The following CFAP299 variants were observed in gnomAD, a reference collection of about 807,000 sequenced individuals.
CFAP299 encodes cilia- and flagella-associated protein 299.
In CFAP299, 21 loss-of-function variants were observed where a neutral mutation model predicts 27.0. The ratio of observed to expected loss-of-function variants is 0.78; its 90% CI spans 0.55 to 1.12. The LOEUF is 1.12. Among genes scored for constraint, CFAP299 ranks in the 50% most tolerant of loss-of-function variants. The pLI is 0.00. For missense variants in CFAP299, 310 were observed against 276.6 expected (o/e 1.12, Z -0.86); for synonymous variants, 104 against 98.1 (o/e 1.06, Z -0.36).
At chr4:80,383,726 A>G (rs542914169) in intron 2 of CFAP299, among the ~76,000 whole-genome samples, 1 of 152,302 alleles carries the variant, frequency 6.6e-6, no homozygotes, top group African/African-American at 2.4e-5. Flanking sequence ...CTAATTTATC[A>G]AAGTTTATCT....
At chr4:80,924,538 GTATATATATATATATATA>G in intron 4 of CFAP299, among the ~76,000 whole-genome samples, 1 of 131,694 alleles carries the variant, frequency 7.6e-6, no homozygotes, top group East Asian at 2.1e-4. Flanking sequence ...GTGTGTGTGT[GTATATATATATATATATA>G]TATATATCTG....
At chr4:80,458,351 A>G (rs138201536) in intron 2 of CFAP299, among the ~76,000 whole-genome samples, 238 of 152,342 alleles carry the variant, frequency 1.6e-3, no homozygotes, top group African/African-American at 5.6e-3. Context: ...GCCAAATGCC[A>G]GCTACTGGAC....
chr4:80,709,732 C>T (rs906965567), intron 3 of CFAP299, among the ~76,000 whole-genome samples: 7 of 152,162 alleles, frequency 4.6e-5, no homozygotes, highest in Non-Finnish European at 1.5e-5. Flanking sequence ...ATTTTGATTT[C>T]GCTGATGTTG....
chr4:80,603,042 A>G (rs1436111635), intron 3 of CFAP299, among the ~76,000 whole-genome samples: 4 of 152,144 alleles, frequency 2.6e-5, no homozygotes, highest in Admixed American at 6.5e-5. Context: ...ATAAGCAAAT[A>G]TTTATCTGCT....
At chr4:80,631,521 A>AT (rs1443736052) in intron 3 of CFAP299, among the ~76,000 whole-genome samples, 5 of 151,896 alleles carry the variant, frequency 3.3e-5, no homozygotes, top group Admixed American at 6.6e-5. Flanking sequence ...TTAATCTAGC[A>AT]TTTTTTCTTT....
intron 3 of CFAP299, among the ~76,000 whole-genome samples, chr4:80,832,214 C>T (rs1031804167): frequency 5.9e-5 from 9 of 152,108 alleles, no homozygotes; most frequent in Admixed American, 3.3e-4. Context: ...GTACAGGATA[C>T]GCACTACATA....
At chr4:80,677,815 C>A (rs1360445520) in intron 3 of CFAP299, among the ~76,000 whole-genome samples, 3 of 151,944 alleles carry the variant, frequency 2.0e-5, no homozygotes. Flanking sequence ...TAACTTTTGT[C>A]TGAAATTCTT....
At chr4:80,890,599 T>C (rs1304617067) in intron 4 of CFAP299, among the ~76,000 whole-genome samples, 11 of 149,640 alleles carry the variant, frequency 7.4e-5, no homozygotes, top group East Asian at 4.0e-4. Context: ...CTGGGTCAAA[T>C]GGTATTTCTA....
chr4:80,956,193 T>C (rs936047463), intron 5 of CFAP299, among the ~76,000 whole-genome samples: 5 of 152,292 alleles, frequency 3.3e-5, no homozygotes, highest in African/African-American at 9.6e-5. Flanking sequence ...AGTCAAAATA[T>C]ATGTATTTTG....
chr4:80,361,708 G>A (rs969883093), intron 1 of CFAP299, among the ~76,000 whole-genome samples: 6 of 152,088 alleles, frequency 3.9e-5, no homozygotes, highest in Non-Finnish European at 8.8e-5. Flanking sequence ...TATAAAAGTG[G>A]CAGGTTTCTA....
chr4:80,720,714 A>G (rs768658460), intron 3 of CFAP299, among the ~76,000 whole-genome samples: 1 of 152,204 alleles, frequency 6.6e-6, no homozygotes, highest in Non-Finnish European at 1.5e-5. Flanking sequence ...ACTTTTAGAA[A>G]TTGTTGGGAA....
Position 80,689,992 on chromosome 4 carries a change from A to C in CFAP299, c.333+106809A>C, listed in dbSNP as rs6841842. 7.3e-3 allele frequency among the ~76,000 whole-genome samples: 1,040 copies of C among 143,192 alleles called. 6 individuals are homozygous for C. Among genetic ancestry groups the C allele is most frequent in the African/African-American group, 0.03 (983 of 33,204 alleles). The allele number at this position is 143,192 out of a possible 152,430, so 93.9% of individuals were successfully genotyped here. On this transcript the variant is annotated intron_variant, in intron 3 of 5. Transcript: ENST00000358105. ...GGGATCAATTCAACAAGAAGAGCTA[A>C]CTATCCTAAATATATATGCACCCAA... is the stretch of plus-strand genomic sequence containing the variant.
At chr4:80,386,999 G>T in intron 2 of CFAP299, 1 of 1,149,138 alleles carries the variant, frequency 8.7e-7, no homozygotes, top group Non-Finnish European at 1.3e-6. Context: ...CCCCACTGCG[G>T]TGGGTTGGCA....
chr4:80,720,906 A>T (rs1722773803), intron 3 of CFAP299, among the ~76,000 whole-genome samples: 1 of 152,130 alleles, frequency 6.6e-6, no homozygotes, highest in South Asian at 2.1e-4. Context: ...TGGCAAGTAA[A>T]GAATTGGAAG....
chr4:80,404,812 C>A (rs1231360191), intron 2 of CFAP299, among the ~76,000 whole-genome samples: 1 of 152,112 alleles, frequency 6.6e-6, no homozygotes, highest in Non-Finnish European at 1.5e-5. Flanking sequence ...AGTGGGATTG[C>A]TGTATTATAG....
intron 2 of CFAP299, among the ~76,000 whole-genome samples, chr4:80,562,787 G>T (rs1180801849): frequency 6.6e-6 from 1 of 151,540 alleles, no homozygotes; most frequent in South Asian, 2.1e-4. Context: ...CCATTGATCT[G>T]TTGCCTACAA....
intron 4 of CFAP299, among the ~76,000 whole-genome samples, chr4:80,907,209 C>T (rs1355358028): frequency 1.3e-5 from 2 of 152,194 alleles, no homozygotes; most frequent in Non-Finnish European, 2.9e-5. Context: ...ACAAGTTTCT[C>T]ATCTTCATCT....
intron 3 of CFAP299, among the ~76,000 whole-genome samples, chr4:80,626,967 G>T (rs1738939905): frequency 6.6e-6 from 1 of 151,602 alleles, no homozygotes; most frequent in Non-Finnish European, 1.5e-5. Context: ...TTGAGGAGAT[G>T]AAACTTTCAA....
At chr4:80,646,273 A>G (rs991490299) in intron 3 of CFAP299, among the ~76,000 whole-genome samples, 2 of 152,164 alleles carry the variant, frequency 1.3e-5, no homozygotes, top group Admixed American at 6.6e-5. Context: ...AGAAAAAGAA[A>G]GGGGCAGGCA....
Sources: gnomAD v4.1 joint callset for allele counts (sites outside exome capture counted in the v4.1 genomes callset) on GRCh38, gnomAD v4.1.1 for gene constraint, MANE v1.5 for transcripts, NCBI Gene and HGNC (gene_info 2026-07-23, HGNC 2026-07-21) for gene names.